MED26: variants seen among roughly 807,000 people sequenced by gnomAD.
The protein encoded by MED26 is mediator complex subunit 26.
A neutral mutation model predicts 43.7 loss-of-function variants in MED26; 7 were observed. That is an observed-to-expected ratio of 0.16 (90% confidence interval 0.09 to 0.30). MED26 has a LOEUF of 0.30. Ranked by LOEUF, MED26 falls within the 10% of genes least tolerant of loss-of-function variation. The pLI, the probability that MED26 is intolerant of heterozygous loss-of-function variation, is 1.00. For missense variants in MED26, 784 were observed against 840.6 expected (o/e 0.93, Z 0.83); for synonymous variants, 375 against 371.1 (o/e 1.01, Z -0.12).
intron 1 of MED26, among the ~76,000 whole-genome samples, chr19:16,592,249 G>C (rs573297025): frequency 1.3e-5 from 2 of 152,308 alleles, no homozygotes; most frequent in South Asian, 4.1e-4. Context: ...AAACCCTGAG[G>C]GGGTGTGATG....
At chr19:16,626,265 A>T (rs1012589700) in intron 1 of MED26, among the ~76,000 whole-genome samples, 1 of 152,174 alleles carries the variant, frequency 6.6e-6, no homozygotes, top group Non-Finnish European at 1.5e-5. Context: ...GCGTGAAATT[A>T]AAAAAATTAC....
Position 16,576,480 on chromosome 19 carries a change from G to A in MED26, c.1350C>T (p.His450=). Reference sequence around the variant, plus strand: ...GCTCTGTCCTGGACTGCTGCTCCATGTGCACAGGGCTGTCTGCCCGCACTG... The same window carrying A: ...GCTCTGTCCTGGACTGCTGCTCCATATGCACAGGGCTGTCTGCCCGCACTG... The part of the protein sequence containing the change: ...KEPVRADSPV[H]MEQQSRTELD... Residue 450 remains histidine (H), a synonymous_variant, in exon 3 of 3, where the codon CAC becomes CAT. Transcript: ENST00000263390. This position sits in a 1 kb window ranked among gnomAD's most constrained non-coding sequence, Gnocchi z 6.8. The A allele has an allele frequency of 1.2e-6, 2 of 1,614,196 alleles. No individual in the cohort carries two copies. The highest frequency in any genetic ancestry group is 1.7e-6 in the Non-Finnish European group (2 of 1,180,034).
chr19:16,618,334 C>T (rs1050410111), intron 1 of MED26, among the ~76,000 whole-genome samples: 12 of 152,130 alleles, frequency 7.9e-5, no homozygotes, highest in Non-Finnish European at 1.8e-4. Context: ...ACTGAAGCAC[C>T]AGGAGAGACT....
At position 16,627,869 on chromosome 19, in the gene MED26, T is replaced by C; in HGVS notation, c.72+3A>G. ...CGTCCCAGCTCGCGCGGCGGGTACT[T>C]ACGTTGCTCTGGGGGTCGATGGCCT... On this transcript the variant is annotated splice_donor_region_variant and intron_variant, in intron 1 of 2. Transcript: ENST00000263390. 1.1e-5 allele frequency: 17 copies of C among 1,490,808 alleles called. No individual in the cohort carries two copies. Among genetic ancestry groups the C allele is most frequent in the Non-Finnish European group, 1.5e-5 (17 of 1,115,594 alleles). The allele number at this position is 1,490,808 out of a possible 1,614,324, so 92.3% of individuals were successfully genotyped here.
intron 1 of MED26, among the ~76,000 whole-genome samples, chr19:16,627,583 G>A (rs1425336546): frequency 6.6e-6 from 1 of 152,232 alleles, no homozygotes; most frequent in African/African-American, 2.4e-5. Flanking sequence ...AGCAGTGAGG[G>A]TCGTAGAGCT....
chr19:16,579,701 C>G (rs1221327773), intron 1 of MED26, among the ~76,000 whole-genome samples: 1 of 152,118 alleles, frequency 6.6e-6, no homozygotes, highest in Non-Finnish European at 1.5e-5. Context: ...TACTCAACTC[C>G]CCCCCACCCC....
chr19:16,619,812 A>T (rs1412782389), intron 1 of MED26, among the ~76,000 whole-genome samples: 1 of 152,244 alleles, frequency 6.6e-6, no homozygotes, highest in Admixed American at 6.5e-5. Flanking sequence ...TCTCCACAGC[A>T]GCCACGAGGC....
In MED26 at chr19:16,577,251, G is replaced by T. The variant is rs777204502; in HGVS notation, c.579C>A (p.Ala193=). 1.4e-5 allele frequency: 22 copies of T among 1,613,148 alleles called. No individual in the cohort carries two copies. The highest frequency in any genetic ancestry group is 1.9e-5 in the Non-Finnish European group (22 of 1,179,852). The stretch of plus-strand genomic sequence containing the variant: ...CATGCCCACTGCCATCCAGGGAGCT[G>T]GCGAAGCTCTCTGGACTCCCACTGA... The part of the protein sequence containing the change: ...NGISGSPESF[A]SSLDGSGHAG... Residue 193 remains alanine, a synonymous_variant, in exon 3 of 3, where the codon GCC becomes GCA. Transcript: ENST00000263390. This position sits in a 1 kb window ranked among gnomAD's most constrained non-coding sequence, Gnocchi z 8.1.
chr19:16,611,701 G>A (rs1283018917), intron 1 of MED26: 1 of 151,924 alleles, frequency 6.6e-6, no homozygotes, highest in Non-Finnish European at 1.5e-5. Flanking sequence ...CCCCCTCATG[G>A]TAAGGCCTGC....
rs1478371692 is a variant in MED26 at position 16,575,406 on chromosome 19, C to T, written c.*621G>A. The T allele has an allele frequency of 1.3e-5, 2 of 152,874 alleles. No individual in the cohort carries two copies. Among genetic ancestry groups the T allele is most frequent in the Non-Finnish European group, 2.9e-5 (2 of 68,274 alleles). The allele number at this position is 152,874 out of a possible 1,614,324, so 9.5% of individuals were successfully genotyped here. On this transcript the variant is annotated 3_prime_UTR_variant, in exon 3 of 3. Transcript: ENST00000263390. ...AAACCAGATATAAACAGGTGGCTGCCCATGGAGTGTGGGTCACACTGGCTG... is the reference window on the plus strand; with the variant it reads ...AAACCAGATATAAACAGGTGGCTGCTCATGGAGTGTGGGTCACACTGGCTG...
Position 16,577,839 on chromosome 19 carries a change from C to A in MED26, c.148-157G>T. The A allele has an allele frequency of 1.7e-6, 1 of 577,906 alleles. No individual in the cohort carries two copies. Among genetic ancestry groups the A allele is most frequent in the African/African-American group, 1.9e-5 (1 of 52,210 alleles). 35.8% of individuals were successfully genotyped at this position (577,906 alleles called of 1,614,324 possible). A position where few individuals can be genotyped will look rare whatever the true frequency, so the allele number is the denominator to read the frequency against. On this transcript the variant is annotated intron_variant, in intron 2 of 2. Transcript: ENST00000263390. This position sits in a 1 kb window ranked among gnomAD's most constrained non-coding sequence, Gnocchi z 8.1. ...CTGACACAAAACTTCTGGGGATTTC[C>A]GGTCCTTTGTGACAATATAAATTCT...
In MED26 at chr19:16,575,190, C is replaced by T. The variant is rs944162565; in HGVS notation, c.*837G>A. 6.6e-6 allele frequency: 1 copy of T among 152,406 alleles called. No homozygotes were observed. Among genetic ancestry groups the T allele is most frequent in the South Asian group, 2.1e-4 (1 of 4,830 alleles). The allele number at this position is 152,406 out of a possible 1,614,324, so 9.4% of individuals were successfully genotyped here. On this transcript the variant is annotated 3_prime_UTR_variant, in exon 3 of 3. Coordinates refer to ENST00000263390, the MANE Select transcript of MED26 (RefSeq NM_004831.5). ...ATAAAACCAGTAGCACCCACAATAA[C>T]TTTTGTGTTGTTTTGGGGGGACTCT...
At chr19:16,600,181 C>CTCCG (rs1229639740) in intron 1 of MED26, among the ~76,000 whole-genome samples, 3 of 152,008 alleles carry the variant, frequency 2.0e-5, no homozygotes, top group Non-Finnish European at 4.4e-5. Context: ...GGCCCTCCTG[C>CTCCG]CACAGGTCCC....
At chr19:16,595,320 C>T (rs2086115303) in intron 1 of MED26, among the ~76,000 whole-genome samples, 2 of 152,174 alleles carry the variant, frequency 1.3e-5, no homozygotes, top group South Asian at 4.1e-4. Context: ...TGACCGAGCA[C>T]ACCGAGGGAA....
intron 1 of MED26, among the ~76,000 whole-genome samples, chr19:16,580,267 A>G (rs1332205337): frequency 3.3e-5 from 5 of 152,164 alleles, no homozygotes. Context: ...TTATCATCTT[A>G]GGCTCTAGGG....
At chr19:16,582,517 G>T (rs1235642187) in intron 1 of MED26, among the ~76,000 whole-genome samples, 1 of 152,222 alleles carries the variant, frequency 6.6e-6, no homozygotes. Flanking sequence ...TGGCCCTGGG[G>T]ACCCTGCCTT....
chr19:16,594,664 A>G (rs569667507), intron 1 of MED26, among the ~76,000 whole-genome samples: 1 of 152,296 alleles, frequency 6.6e-6, no homozygotes, highest in Admixed American at 6.5e-5. Flanking sequence ...GGAAAAAACC[A>G]GAACTTTCTT....
chr19:16,602,638 T>G (rs1261498957), intron 1 of MED26, among the ~76,000 whole-genome samples: 2 of 152,142 alleles, frequency 1.3e-5, no homozygotes, highest in Non-Finnish European at 2.9e-5. Context: ...GTGTGATATA[T>G]CTGAACAACA....
At position 16,576,336 on chromosome 19, in the gene MED26, T is replaced by C. The variant is rs751746865; in HGVS notation, c.1494A>G (p.Ser498=). 4.3e-6 allele frequency: 7 copies of C among 1,613,812 alleles called. No homozygotes were observed. Among genetic ancestry groups the C allele is most frequent in the Non-Finnish European group, 5.9e-6 (7 of 1,180,020 alleles). ...CCCCTGGGGTCTGCGCGCCCGATGA[T>C]GAGAGCAGGCTGCTCTGCCGGCTCA... The part of the protein sequence containing the change: ...SYLSRQSSLL[S]SSGAQTPGAH... The change falls in exon 3 of 3, where the codon TCA becomes TCG. Residue 498 remains serine (S), a synonymous_variant. Coordinates refer to ENST00000263390, the MANE Select transcript of MED26 (RefSeq NM_004831.5). This position sits in a 1 kb window ranked among gnomAD's most constrained non-coding sequence, Gnocchi z 6.8.
Sources: allele counts gnomAD v4.1 joint callset (sites outside exome capture counted in the v4.1 genomes callset), GRCh38; gene constraint gnomAD v4.1.1; non-coding constraint Gnocchi (gnomAD v3.1); transcripts MANE v1.5; gene names NCBI Gene and HGNC (gene_info 2026-07-23, HGNC 2026-07-21).